The following KCTD9 variants were observed in gnomAD, a reference collection of about 807,000 sequenced individuals.
The protein encoded by KCTD9 is BTB/POZ domain-containing protein KCTD9.
Under a neutral mutation model 53.3 loss-of-function variants are expected in KCTD9, and 17 were observed. That is an observed-to-expected ratio of 0.32 (90% CI 0.22 to 0.48). The LOEUF is 0.48. KCTD9 is among the 20% of genes least tolerant of loss of function. KCTD9 has a pLI of 0.99. For missense variants in KCTD9, 179 were observed against 465.5 expected (o/e 0.38, Z 5.66); for synonymous variants, 128 against 162.7 (o/e 0.79, Z 1.62).
rs993189443 is a variant in KCTD9, at chr8:25,444,567, G to GA, written c.171-233dup. ...CATGAAAGTACTTTTGAAATGTGGG[G>GA]AAAAAAATCTCCTTACACAAACGAT... On this transcript the variant is annotated intron_variant, in intron 2 of 11. Transcript: ENST00000221200. Among the ~76,000 whole-genome samples the GA allele has an allele frequency of 1.4e-4, 22 of 151,982 alleles. No homozygotes were observed. In the East Asian group the frequency reaches 3.7e-3, roughly 25 times the overall value.
chr8:25,451,647 T>A (rs1339716384), intron 1 of KCTD9: 1 of 152,190 alleles, frequency 6.6e-6, no homozygotes, highest in Non-Finnish European at 1.5e-5. Flanking sequence ...AAATTTCAGA[T>A]CCCATGACAA....
chr8:25,437,845 CTCAAAAAAAAAA>C (rs1802046931), intron 6 of KCTD9, among the ~76,000 whole-genome samples: 1 of 59,438 alleles, frequency 1.7e-5, no homozygotes, highest in Non-Finnish European at 2.8e-5. Flanking sequence ...GAGACCCTGT[CTCAAAAAAAAAA>C]AAAAAAAAAA....
In KCTD9 at chr8:25,429,971, A is replaced by G. The variant is rs148952788; in HGVS notation, c.1056T>C (p.Asn352=). 2.8e-4 allele frequency: 431 copies of G among 1,513,514 alleles called. 1 individual carries two copies. In the African/African-American group the frequency reaches 5.5e-3, roughly 19 times the overall value. 93.8% of individuals were successfully genotyped at this position (1,513,514 alleles called of 1,614,324 possible). ...GAAGATCACACCCAGACAGATCACA[A>G]TTCTGCAAGATGAAAACAATATTCA... The part of the protein sequence containing the change: ...GATLAGTDLE[N]CDLSGCDLQE... Residue 352 remains asparagine (N), a splice_region_variant and synonymous_variant, in exon 12 of 12, where the codon AAT becomes AAC. Transcript: ENST00000221200.
chr8:25,450,834 T>C (rs555669640), intron 1 of KCTD9, among the ~76,000 whole-genome samples: 11 of 152,188 alleles, frequency 7.2e-5, no homozygotes, highest in Non-Finnish European at 1.6e-4. Context: ...TTTGTTACAA[T>C]GAACCTATAT....
In KCTD9 at chr8:25,435,379, G is replaced by A; in HGVS notation, c.797C>T (p.Ser266Phe). The part of the protein sequence containing the change: ...CCANLERADL[S>F]GSVLDCANLQ... The stretch of plus-strand genomic sequence containing the variant: ...GATACTTACGTCAAGCACTGATCCA[G>A]AGAGATCAGCTCGTTCAAGATTTGC... The change falls in exon 9 of 12, where the codon TCT (serine) becomes TTT (phenylalanine). Residue 266 changes from serine (S) to phenylalanine (F), a missense_variant. By Grantham distance (155) the Ser-to-Phe change is radical. This residue lies in a region of KCTD9 where 32 missense variants were observed against 55.7 expected (regional missense o/e 0.57). Coordinates refer to ENST00000221200, the MANE Select transcript of KCTD9 (RefSeq NM_017634.4). 6.2e-7 allele frequency: 1 copy of A among 1,604,854 alleles called. No individual in the cohort carries two copies. The highest frequency in any genetic ancestry group is 2.2e-5 in the East Asian group (1 of 44,504).
chr8:25,437,690 A>C (rs1376660760), intron 6 of KCTD9, among the ~76,000 whole-genome samples: 1 of 151,488 alleles, frequency 6.6e-6, no homozygotes, highest in East Asian at 1.9e-4. Flanking sequence ...AACAAAAAAA[A>C]TACAAATATT....
At chr8:25,431,777 G>A (rs1158610017) in intron 11 of KCTD9, among the ~76,000 whole-genome samples, 2 of 151,980 alleles carry the variant, frequency 1.3e-5, no homozygotes, top group African/African-American at 2.4e-5. Context: ...AAAATATTAT[G>A]AAAAAACATT....
chr8:25,455,786 C>G (rs371510579), intron 1 of KCTD9, among the ~76,000 whole-genome samples: 3 of 152,290 alleles, frequency 2.0e-5, no homozygotes, highest in South Asian at 2.1e-4. Context: ...TGAAGGCCGT[C>G]CCTTCTTACA....
intron 1 of KCTD9, among the ~76,000 whole-genome samples, chr8:25,452,509 G>C (rs1244371687): frequency 6.6e-6 from 1 of 152,160 alleles, no homozygotes; most frequent in Non-Finnish European, 1.5e-5. Context: ...CATTTCACCT[G>C]CAAATTAAAA....
At chr8:25,439,927 A>G in intron 4 of KCTD9, 1 of 499,202 alleles carries the variant, frequency 2.0e-6, no homozygotes, top group Non-Finnish European at 3.2e-6. Context: ...AAATTATTAC[A>G]TAATAATATT....
chr8:25,437,302 G>T (rs1455049725), intron 6 of KCTD9, among the ~76,000 whole-genome samples: 1 of 152,138 alleles, frequency 6.6e-6, no homozygotes, highest in Non-Finnish European at 1.5e-5. Flanking sequence ...TCTAAGTAAA[G>T]CAGAACTCTT....
intron 3 of KCTD9, among the ~76,000 whole-genome samples, chr8:25,442,319 A>C (rs1802138042): frequency 6.6e-6 from 1 of 152,186 alleles, no homozygotes; most frequent in Admixed American, 6.5e-5. Context: ...AAAAATAATC[A>C]CATAAGAAAG....
intron 1 of KCTD9, among the ~76,000 whole-genome samples, chr8:25,447,107 G>GT (rs771030504): frequency 6.6e-6 from 1 of 152,266 alleles, no homozygotes; most frequent in South Asian, 2.1e-4. Flanking sequence ...TAAAAACTAG[G>GT]TAAGGGTCGG....
rs1337667444 is a variant in KCTD9 at position 25,433,452 on chromosome 8, A to G, written c.814-17T>C. 17 of 1,480,864 alleles carry G rather than the reference A, an allele frequency of 1.1e-5. No individual in the cohort carries two copies. Among genetic ancestry groups the G allele is most frequent in the Non-Finnish European group, 1.5e-5 (16 of 1,076,146 alleles). The allele number at this position is 1,480,864 out of a possible 1,614,324, so 91.7% of individuals were successfully genotyped here. A position where few individuals can be genotyped will look rare whatever the true frequency, so the allele number is the denominator to read the frequency against. On this transcript the variant is annotated splice_polypyrimidine_tract_variant and intron_variant, in intron 9 of 11. Coordinates refer to ENST00000221200, the MANE Select transcript of KCTD9 (RefSeq NM_017634.4). ...ATTCGCACACTGCAAAGAAAAGAGA[A>G]AAGTCCTGGTTGTAAGGTTCATAAT...
At chr8:25,440,005 T>C (rs1034941753) in intron 4 of KCTD9, among the ~76,000 whole-genome samples, 3 of 152,060 alleles carry the variant, frequency 2.0e-5, no homozygotes, top group Non-Finnish European at 4.4e-5. Context: ...CAAATTTCAG[T>C]AGTGTTAATT....
Position 25,446,124 on chromosome 8 carries a change from G to C in KCTD9, c.170+5C>G. The C allele has an allele frequency of 6.2e-7, 1 of 1,612,994 alleles. No individual in the cohort carries two copies. Among genetic ancestry groups the C allele is most frequent in the Non-Finnish European group, 8.5e-7 (1 of 1,179,516 alleles). On this transcript the variant is annotated splice_donor_5th_base_variant and intron_variant, in intron 2 of 11. Transcript: ENST00000221200. ...GTTGACAGCTTATAAAAAGGTGAAG[G>C]TTACCTGATCAAAGCAATATCATCA...
intron 1 of KCTD9, among the ~76,000 whole-genome samples, chr8:25,454,198 C>T (rs556768541): frequency 4.6e-5 from 7 of 152,306 alleles, no homozygotes; most frequent in Admixed American, 1.3e-4. Context: ...CAACATGTTT[C>T]TGACCTAATA....
At position 25,436,442 on chromosome 8, in the gene KCTD9, A is replaced by G. The variant is rs766853119; in HGVS notation, c.543T>C (p.Ile181=). The change falls in exon 7 of 12, where the codon ATT becomes ATC. Residue 181 remains isoleucine (I), a synonymous_variant. Coordinates refer to ENST00000221200, the MANE Select transcript of KCTD9 (RefSeq NM_017634.4). ...EARFFGIDSL[I]EHLEVAIKNS... ...CCTTTATTGCCACTTCTAGGTGTTC[A>G]ATCAATGAGTCAATACCAAAAAATC... The G allele has an allele frequency of 6.2e-7, 1 of 1,600,748 alleles. No individual in the cohort carries two copies. Among genetic ancestry groups the G allele is most frequent in the Non-Finnish European group, 8.5e-7 (1 of 1,177,298 alleles).
chr8:25,430,869 C>T (rs1390127145), intron 11 of KCTD9, among the ~76,000 whole-genome samples: 2 of 151,296 alleles, frequency 1.3e-5, no homozygotes, highest in African/African-American at 4.9e-5. Flanking sequence ...CGGAGTTTTG[C>T]TCTTGTTGCC....
Sources: gnomAD v4.1 joint callset for allele counts (sites outside exome capture counted in the v4.1 genomes callset) on GRCh38, gnomAD v4.1.1 for gene constraint, gnomAD v4.1.1 regional missense constraint, MANE v1.5 for transcripts, NCBI Gene and HGNC (gene_info 2026-07-23, HGNC 2026-07-21) for gene names.